The following DPP6 variants were observed in gnomAD, a reference collection of about 807,000 sequenced individuals.
The protein encoded by DPP6 is dipeptidyl peptidase like 6, also known as A-type potassium channel modulatory protein DPP6.
A neutral mutation model predicts 122.6 loss-of-function variants in DPP6; 69 were observed. That is an observed-to-expected ratio of 0.56 (90% CI 0.46 to 0.69). The LOEUF (loss-of-function observed/expected upper bound fraction) is 0.69. Ranked by LOEUF, DPP6 falls within the 30% of genes least tolerant of loss-of-function variation. DPP6 has a pLI of 0.00. For missense variants in DPP6, 928 were observed against 1,116.9 expected (o/e 0.83, Z 2.41); for synonymous variants, 418 against 433.1 (o/e 0.97, Z 0.43).
At chr7:153,994,459 CTA>C (rs1219407335) in intron 1 of DPP6, among the ~76,000 whole-genome samples, 2 of 151,678 alleles carry the variant, frequency 1.3e-5, no homozygotes, top group Non-Finnish European at 2.9e-5. Flanking sequence ...TAGTTCTTTT[CTA>C]TATGTCTGTG....
At chr7:154,043,907 A>G (rs376244127) in intron 1 of DPP6, among the ~76,000 whole-genome samples, 13 of 145,606 alleles carry the variant, frequency 8.9e-5, no homozygotes, top group African/African-American at 3.1e-4. Context: ...GTCTGCATCA[A>G]TGATGTAATT....
At chr7:153,780,734 G>A in the DPP6 span, among the ~76,000 whole-genome samples, 1 of 152,138 alleles carries the variant, frequency 6.6e-6, no homozygotes, top group Non-Finnish European at 1.5e-5. Context: ...GAAGAATGGA[G>A]AGAGGATCTG....
chr7:154,355,604 C>G (rs1023939778), intron 1 of DPP6, among the ~76,000 whole-genome samples: 8 of 152,248 alleles, frequency 5.3e-5, no homozygotes, highest in Admixed American at 4.6e-4. Context: ...CTTACAGCCC[C>G]ATACAGTGAA....
At chr7:153,838,815 T>A in the DPP6 span, among the ~76,000 whole-genome samples, 1 of 152,200 alleles carries the variant, frequency 6.6e-6, no homozygotes, top group African/African-American at 2.4e-5. Flanking sequence ...TTGCTTTAGC[T>A]TAAACTAAAA....
At chr7:154,228,953 T>C (rs967186576) in intron 1 of DPP6, among the ~76,000 whole-genome samples, 2 of 152,170 alleles carry the variant, frequency 1.3e-5, no homozygotes, top group East Asian at 1.9e-4. Flanking sequence ...CAAATCAGTA[T>C]GGTAAGGTGA....
chr7:153,836,761 T>C, the DPP6 span, among the ~76,000 whole-genome samples: 2 of 152,328 alleles, frequency 1.3e-5, no homozygotes, highest in East Asian at 3.9e-4. Context: ...TGTAAATATT[T>C]TAAGTTTATT....
At chr7:154,796,680 G>T (rs945938754) in intron 12 of DPP6, among the ~76,000 whole-genome samples, 5 of 152,158 alleles carry the variant, frequency 3.3e-5, no homozygotes, top group African/African-American at 1.2e-4. Flanking sequence ...AGAGACACAG[G>T]TATGCTTCTT....
At chr7:154,841,298 T>G (rs1422081601) in intron 16 of DPP6, among the ~76,000 whole-genome samples, 1 of 118,096 alleles carries the variant, frequency 8.5e-6, no homozygotes, top group African/African-American at 3.2e-5. Context: ...TGCCCACCCC[T>G]CCAAGCAGGC....
chr7:153,928,395 C>CTTTTTT (rs1467865041), intron 1 of DPP6, among the ~76,000 whole-genome samples: 54 of 29,980 alleles, frequency 1.8e-3, no homozygotes, highest in Non-Finnish European at 2.2e-3. Flanking sequence ...TCTTTTCTTT[C>CTTTTTT]ATTTTTTTTT....
intron 1 of DPP6, among the ~76,000 whole-genome samples, chr7:153,889,365 C>G (rs1243681783): frequency 6.6e-6 from 1 of 152,140 alleles, no homozygotes; most frequent in Non-Finnish European, 1.5e-5. Flanking sequence ...TCATTAAATG[C>G]CCAACCACAT....
At chr7:153,909,830 C>T (rs779563616) in intron 1 of DPP6, among the ~76,000 whole-genome samples, 3 of 152,112 alleles carry the variant, frequency 2.0e-5, no homozygotes, top group Non-Finnish European at 2.9e-5. Flanking sequence ...CATGAATCCC[C>T]TCCCTAGAAC....
intron 11 of DPP6, among the ~76,000 whole-genome samples, chr7:154,795,054 C>G (rs1305879364): frequency 1.3e-5 from 2 of 152,030 alleles, no homozygotes; most frequent in African/African-American, 4.8e-5. Context: ...TTTTATCTAA[C>G]CTGGGGCGGA....
chr7:153,826,963 G>A, the DPP6 span, among the ~76,000 whole-genome samples: 52 of 150,326 alleles, frequency 3.5e-4, no homozygotes, highest in South Asian at 9.9e-3. Flanking sequence ...TAAGCTAAAC[G>A]TATTTGGAAA....
chr7:153,915,925 A>G (rs939665849), intron 1 of DPP6, among the ~76,000 whole-genome samples: 78 of 151,276 alleles, frequency 5.2e-4, no homozygotes, highest in Non-Finnish European at 1.0e-4. Flanking sequence ...ACACACTAAG[A>G]TAAATAGCTC....
At chr7:153,766,269 C>T in the DPP6 span, among the ~76,000 whole-genome samples, 3 of 152,266 alleles carry the variant, frequency 2.0e-5, no homozygotes, top group South Asian at 2.1e-4. Context: ...ATGAGGTTCC[C>T]GTTGTCAGCT....
At chr7:153,917,645 T>C (rs1188883795) in intron 1 of DPP6, among the ~76,000 whole-genome samples, 1 of 152,200 alleles carries the variant, frequency 6.6e-6, no homozygotes, top group Non-Finnish European at 1.5e-5. Context: ...ATGAAGGACC[T>C]TCTTTAAAAA....
intron 1 of DPP6, among the ~76,000 whole-genome samples, chr7:153,943,234 A>G (rs1801782034): frequency 6.6e-6 from 1 of 152,184 alleles, no homozygotes; most frequent in Non-Finnish European, 1.5e-5. Flanking sequence ...CCAGCTCATG[A>G]CACTATGTGG....
At chr7:154,756,127 C>T (rs1180298530) in intron 8 of DPP6, among the ~76,000 whole-genome samples, 2 of 152,222 alleles carry the variant, frequency 1.3e-5, no homozygotes, top group South Asian at 4.1e-4. Flanking sequence ...TTCTCTTCTC[C>T]AACTTCCCAG....
chr7:154,070,979 A>G (rs1284876932), intron 1 of DPP6, among the ~76,000 whole-genome samples: 2 of 152,192 alleles, frequency 1.3e-5, no homozygotes, highest in African/African-American at 4.8e-5. Flanking sequence ...TATAAAACCA[A>G]TCAAGACAAC....
Sources: gnomAD v4.1 joint callset for allele counts (sites outside exome capture counted in the v4.1 genomes callset) on GRCh38, gnomAD v4.1.1 for gene constraint, MANE v1.5 for transcripts, NCBI Gene and HGNC (gene_info 2026-07-23, HGNC 2026-07-21) for gene names.